The following ASIC2 variants were observed in gnomAD, a reference collection of about 807,000 sequenced individuals.
ASIC2 encodes the protein acid sensing ion channel subunit 2, also known as acid-sensing ion channel 2.
A neutral mutation model predicts 57.3 loss-of-function variants in ASIC2; 25 were observed. That is an observed-to-expected ratio of 0.44 (90% CI 0.32 to 0.61). ASIC2 has a LOEUF of 0.61. Among genes scored for constraint, ASIC2 ranks in the 20% least tolerant of loss-of-function variants. ASIC2 has a pLI of 0.06. For synonymous variants in ASIC2, 319 were observed against 307.5 expected, an observed-to-expected ratio of 1.04 and a Z score of -0.39; for missense variants, 641 against 738.1, an observed-to-expected ratio of 0.87 and a Z score of 1.52.
chr17:33,195,781 G>A (rs1303284246), intron 1 of ASIC2, among the ~76,000 whole-genome samples: 1 of 152,126 alleles, frequency 6.6e-6, no homozygotes, highest in African/African-American at 2.4e-5. Flanking sequence ...TTCTGGCCTG[G>A]TCTTCTGATC....
chr17:33,204,156 A>G (rs556298543), intron 1 of ASIC2, among the ~76,000 whole-genome samples: 1 of 152,188 alleles, frequency 6.6e-6, no homozygotes, highest in Non-Finnish European at 1.5e-5. Flanking sequence ...TCCCTCACCA[A>G]TGTGGGGTCT....
At chr17:33,711,560 T>C (rs1453197683) in intron 1 of ASIC2, among the ~76,000 whole-genome samples, 3 of 152,172 alleles carry the variant, frequency 2.0e-5, no homozygotes, top group Admixed American at 2.0e-4. Flanking sequence ...GAGTAATTTA[T>C]AAAGAAAAGA....
chr17:34,064,693 A>G lies in ASIC2; in HGVS notation c.555+91285T>C, dbSNP rs143986490. Among the ~76,000 whole-genome samples, 1,258 of 152,306 alleles carry G rather than the reference A, an allele frequency of 8.3e-3. 17 individuals are homozygous for G. Among genetic ancestry groups the G allele is most frequent in the Admixed American group, 0.022 (334 of 15,300 alleles). On this transcript the variant is annotated intron_variant, in intron 1 of 9. Coordinates refer to the ASIC2 transcript ENST00000359872. The stretch of plus-strand genomic sequence containing the variant: ...AAACAAATCAATAAGAAAAAAACAA[A>G]CAATCCCATCAAAAAGTGGGCTAAG...
chr17:33,343,232 G>T (rs551508345), intron 1 of ASIC2, among the ~76,000 whole-genome samples: 2 of 152,156 alleles, frequency 1.3e-5, no homozygotes, highest in African/African-American at 4.8e-5. Flanking sequence ...TTCAGGGCTA[G>T]ACCAGGCTGA....
At chr17:33,771,148 T>A (rs1323144470) in intron 1 of ASIC2, among the ~76,000 whole-genome samples, 1 of 152,178 alleles carries the variant, frequency 6.6e-6, no homozygotes, top group African/African-American at 2.4e-5. Context: ...GGGGTACAAG[T>A]ATTTATAATG....
intron 1 of ASIC2, among the ~76,000 whole-genome samples, chr17:33,452,172 G>A (rs1912274673): frequency 1.3e-5 from 2 of 152,240 alleles, no homozygotes; most frequent in East Asian, 1.9e-4. Context: ...TATTCGGATT[G>A]TCTACCTTCT....
chr17:33,736,045 C>T (rs1909900249), intron 1 of ASIC2, among the ~76,000 whole-genome samples: 1 of 152,074 alleles, frequency 6.6e-6, no homozygotes, highest in Non-Finnish European at 1.5e-5. Flanking sequence ...TTGTCCAGAA[C>T]ATTTCTTGGA....
intron 1 of ASIC2, among the ~76,000 whole-genome samples, chr17:33,454,907 G>A (rs1282659121): frequency 6.6e-6 from 1 of 152,200 alleles, no homozygotes; most frequent in East Asian, 1.9e-4. Flanking sequence ...AGGTGGTAGT[G>A]CTCATGACTT....
intron 1 of ASIC2, among the ~76,000 whole-genome samples, chr17:34,057,508 A>G (rs1255492970): frequency 3.9e-5 from 6 of 152,174 alleles, no homozygotes; most frequent in Non-Finnish European, 5.9e-5. Context: ...AATGGGAGTC[A>G]TTACTGGAGC....
At chr17:33,351,071 G>T (rs1391353266) in intron 1 of ASIC2, among the ~76,000 whole-genome samples, 1 of 152,138 alleles carries the variant, frequency 6.6e-6, no homozygotes. Flanking sequence ...CTAGCCTTTG[G>T]TGTCAGAAAG....
At chr17:34,106,216 A>G (rs572391097) in intron 1 of ASIC2, among the ~76,000 whole-genome samples, 87 of 152,306 alleles carry the variant, frequency 5.7e-4, no homozygotes, top group Non-Finnish European at 1.0e-3. Context: ...GAGATACACA[A>G]TGTCCATCTT....
intron 3 of ASIC2, among the ~76,000 whole-genome samples, chr17:33,074,028 A>G (rs777257484): frequency 6.6e-6 from 1 of 152,118 alleles, no homozygotes; most frequent in Non-Finnish European, 1.5e-5. Flanking sequence ...TTTGCTTTCC[A>G]GTGAGCTCTT....
intron 1 of ASIC2, chr17:34,142,838 G>A (rs1035032003): frequency 1.3e-5 from 2 of 152,186 alleles, no homozygotes; most frequent in African/African-American, 4.8e-5. Flanking sequence ...AGCTAGTACA[G>A]CAGAATCACA....
intron 1 of ASIC2, among the ~76,000 whole-genome samples, chr17:34,152,890 A>G (rs1229387995): frequency 1.3e-5 from 2 of 152,086 alleles, no homozygotes; most frequent in Non-Finnish European, 2.9e-5. Flanking sequence ...TAAGTAGACA[A>G]TCTGGAATCA....
chr17:33,315,243 C>A (rs1906597916), intron 1 of ASIC2, among the ~76,000 whole-genome samples: 1 of 152,056 alleles, frequency 6.6e-6, no homozygotes, highest in Non-Finnish European at 1.5e-5. Context: ...AAAGCATGTA[C>A]CAAAAATGTG....
chr17:33,716,823 A>G (rs1161686965), intron 1 of ASIC2, among the ~76,000 whole-genome samples: 1 of 152,228 alleles, frequency 6.6e-6, no homozygotes, highest in Non-Finnish European at 1.5e-5. Context: ...CTATCTGTCT[A>G]TCTTTCCTTC....
At chr17:34,081,852 C>A (rs1282789941) in intron 1 of ASIC2, among the ~76,000 whole-genome samples, 1 of 152,136 alleles carries the variant, frequency 6.6e-6, no homozygotes, top group Admixed American at 6.5e-5. Flanking sequence ...ATAATAGTTT[C>A]AGAGTAGTAG....
intron 3 of ASIC2, among the ~76,000 whole-genome samples, chr17:33,059,808 C>A (rs150511530): frequency 6.6e-6 from 1 of 152,298 alleles, no homozygotes; most frequent in African/African-American, 2.4e-5. Flanking sequence ...TCTCCACATC[C>A]TCTCCAGCAC....
intron 1 of ASIC2, among the ~76,000 whole-genome samples, chr17:33,620,474 C>A (rs1207888002): frequency 2.0e-5 from 3 of 152,032 alleles, no homozygotes; most frequent in African/African-American, 7.2e-5. Flanking sequence ...CTGTATTTAC[C>A]ATAGGGATTT....
Sources: allele counts gnomAD v4.1 joint callset (sites outside exome capture counted in the v4.1 genomes callset), GRCh38; gene constraint gnomAD v4.1.1; transcripts MANE v1.5; gene names NCBI Gene and HGNC (gene_info 2026-07-23, HGNC 2026-07-21).